The following E2F2 variants were observed in gnomAD, a reference collection of about 807,000 sequenced individuals.
E2F2 encodes the protein E2F transcription factor 2.
A neutral mutation model predicts 42.2 loss-of-function variants in E2F2; 22 were observed. The ratio of observed to expected loss-of-function variants is 0.52; its 90% CI spans 0.37 to 0.74. The LOEUF (loss-of-function observed/expected upper bound fraction) is 0.74, where lower values mean the gene tolerates loss of function less well. Ranked by LOEUF, E2F2 falls within the 30% of genes least tolerant of loss-of-function variation. The pLI is 0.00. For synonymous variants in E2F2, 248 were observed against 251.6 expected (o/e 0.99, Z 0.13); for missense variants, 481 against 557.8 (o/e 0.86, Z 1.39).
At position 23,509,653 on chromosome 1, in the gene E2F2, G is replaced by C; in HGVS notation, c.*227C>G. 2 of 803,130 alleles carry C rather than the reference G, an allele frequency of 2.5e-6. No homozygotes were observed. The highest frequency in any genetic ancestry group is 3.7e-5 in the East Asian group (1 of 27,308). The allele number at this position is 803,130 out of a possible 1,614,324, so 49.8% of individuals were successfully genotyped here. ...TCAGAAGACTGGATGGGCCTCCCTA[G>C]GCCCAGCTTCCATTAGGAAGGTGAG... is the stretch of plus-strand genomic sequence containing the variant. On this transcript the variant is annotated 3_prime_UTR_variant, in exon 7 of 7. Coordinates refer to ENST00000361729, the MANE Select transcript of E2F2 (RefSeq NM_004091.4).
rs769751419 is a variant in E2F2 at position 23,524,501 on chromosome 1, G to C, written c.253-13C>G. ...GCTTCCTTTTGGCCTTGGAGAAAAG[G>C]GGGAGAGAGAGGCAGAGTTTGAGAA... is the stretch of plus-strand genomic sequence containing the variant. On this transcript the variant is annotated splice_polypyrimidine_tract_variant and intron_variant, in intron 1 of 6. Coordinates refer to ENST00000361729, the MANE Select transcript of E2F2 (RefSeq NM_004091.4). 2.0e-5 allele frequency: 33 copies of C among 1,611,620 alleles called. No homozygotes were observed. The East Asian group carries it at 3.3e-4, about 16-fold the overall frequency.
chr1:23,513,103 C>T lies in E2F2; in HGVS notation c.1046-2955G>A, dbSNP rs183361776. On this transcript the variant is annotated intron_variant, in intron 6 of 6. Coordinates refer to ENST00000361729, the MANE Select transcript of E2F2 (RefSeq NM_004091.4). ...GCTGGATTACAGGTGTGTGCCACCG[C>T]GGCTGGCCACATAAGTTTTTTTTTT... Among the ~76,000 whole-genome samples, 502 of 148,632 alleles carry T rather than the reference C, an allele frequency of 3.4e-3. 5 individuals carry two copies. Among genetic ancestry groups the T allele is most frequent in the African/African-American group, 0.011 (437 of 40,656 alleles).
chr1:23,522,229 C>A (rs150763067), intron 2 of E2F2, among the ~76,000 whole-genome samples, 173 bp from the exon 3 acceptor site: 1 of 152,322 alleles, frequency 6.6e-6, no homozygotes, highest in Non-Finnish European at 1.5e-5. Flanking sequence ...GAACCTGATA[C>A]CTAAGAGGGA....
At position 23,507,517 on chromosome 1, in the gene E2F2, A is replaced by T. The variant is rs1163218443; in HGVS notation, c.*2363T>A. 6.8e-6 allele frequency: 1 copy of T among 147,450 alleles called. No homozygotes were observed. The highest frequency in any genetic ancestry group is 1.5e-5 in the Non-Finnish European group (1 of 66,576). 9.1% of individuals were successfully genotyped at this position (147,450 alleles called of 1,614,324 possible). A position where few individuals can be genotyped will look rare whatever the true frequency, so the allele number is the denominator to read the frequency against. On this transcript the variant is annotated 3_prime_UTR_variant, in exon 7 of 7. Transcript: ENST00000361729. ...GGCAACAGAGCGAGACTCCATCTCA[A>T]AAAAAAAAAAAAAGAAGAAAAAAAG... is the stretch of plus-strand genomic sequence containing the variant.
At chr1:23,525,908 G>T (rs999147704) in intron 1 of E2F2, among the ~76,000 whole-genome samples, 12 of 152,096 alleles carry the variant, frequency 7.9e-5, no homozygotes, top group African/African-American at 2.9e-4. Flanking sequence ...TAGTGGTGAG[G>T]TCATGCTCAG....
At chr1:23,516,611 C>T in intron 5 of E2F2, 84 bp from the exon 6 acceptor site, 5 of 1,177,916 alleles carry the variant, frequency 4.2e-6, no homozygotes, top group Non-Finnish European at 5.9e-6. Flanking sequence ...CACGTGGCTG[C>T]TGCCATCCAT....
At chr1:23,512,221 A>G (rs1182212826) in intron 6 of E2F2, among the ~76,000 whole-genome samples, 1 of 152,036 alleles carries the variant, frequency 6.6e-6, no homozygotes, top group Non-Finnish European at 1.5e-5. Context: ...AAATAAATAA[A>G]CAAACAAATA....
chr1:23,526,201 C>G (rs944886536), intron 1 of E2F2, among the ~76,000 whole-genome samples: 7 of 152,070 alleles, frequency 4.6e-5, no homozygotes, highest in African/African-American at 1.7e-4. Flanking sequence ...CTGGTGAAAT[C>G]CTATATTCTA....
chr1:23,524,151 G>A (rs1570470500), intron 2 of E2F2, among the ~76,000 whole-genome samples: 1 of 151,056 alleles, frequency 6.6e-6, no homozygotes, highest in Admixed American at 6.6e-5. Flanking sequence ...CCAGGCTCTA[G>A]TCCTGACTCC....
At chr1:23,528,504 G>A (rs886222574) in intron 1 of E2F2, among the ~76,000 whole-genome samples, 2 of 152,154 alleles carry the variant, frequency 1.3e-5, no homozygotes, top group African/African-American at 4.8e-5. Context: ...GCTTTAGGGT[G>A]GTCTGCTGCA....
Position 23,507,586 on chromosome 1 carries a change from A to C in E2F2, c.*2294T>G, listed in dbSNP as rs766037257. The C allele has an allele frequency of 2.0e-5, 3 of 152,006 alleles. No homozygotes were observed. Among genetic ancestry groups the C allele is most frequent in the Admixed American group, 1.3e-4 (2 of 15,266 alleles). 9.4% of individuals were successfully genotyped at this position (152,006 alleles called of 1,614,324 possible). A position where few individuals can be genotyped will look rare whatever the true frequency, so the allele number is the denominator to read the frequency against. ...AAATGTGTCCTGAAGCACTCTGTGG[A>C]AGTCGGGAGGCTTCAAGTGTCACTG... On this transcript the variant is annotated 3_prime_UTR_variant, in exon 7 of 7. Coordinates refer to ENST00000361729, the MANE Select transcript of E2F2 (RefSeq NM_004091.4).
At chr1:23,528,688 T>C (rs1643289329) in intron 1 of E2F2, among the ~76,000 whole-genome samples, 1 of 152,178 alleles carries the variant, frequency 6.6e-6, no homozygotes, top group Non-Finnish European at 1.5e-5. Context: ...GAGACCTTCT[T>C]GCTAAGATCA....
chr1:23,516,202 CAT>C, intron 6 of E2F2, 131 bp downstream of exon 6: 4 of 1,217,098 alleles, frequency 3.3e-6, no homozygotes, highest in Non-Finnish European at 4.3e-6. Flanking sequence ...GTACAATGCA[CAT>C]GTGTGGGGTA....
chr1:23,516,809 G>GC lies in E2F2; in HGVS notation c.853-283_853-282insG, dbSNP rs1445870529. 1.0e-4 allele frequency among the ~76,000 whole-genome samples: 14 copies of GC among 137,762 alleles called. 2 individuals are homozygous for GC. The highest frequency in any genetic ancestry group is 3.4e-4 in the African/African-American group (13 of 38,674). 90.4% of individuals were successfully genotyped at this position (137,762 alleles called of 152,430 possible). ...ATCTAGTTTTGGGGCGGGGGGGGGG[G>GC]GGCAGCACCCTTCCCCAATGCCAGT... On this transcript the variant is annotated intron_variant, in intron 5 of 6. Transcript: ENST00000361729.
Position 23,524,398 on chromosome 1 carries a change from G to A in E2F2, c.343C>T (p.Leu115Phe). ...CACTGCTTACTTTTGGGGCTGGGGA[G>A]GCCATCCACTCTGATGCACTTCCCC... ...PKGKCIRVDG[L>F]PSPKTPKSPG... The change falls in exon 2 of 7, where the codon CTC (leucine) becomes TTC (phenylalanine). Residue 115 changes from leucine (L) to phenylalanine (F), a missense_variant. By Grantham distance (22) the Leu-to-Phe change is conservative. Coordinates refer to ENST00000361729, the MANE Select transcript of E2F2 (RefSeq NM_004091.4). 1 of 1,611,472 alleles carries A rather than the reference G, an allele frequency of 6.2e-7. No homozygotes were observed. The highest frequency in any genetic ancestry group is 2.2e-5 in the East Asian group (1 of 44,564).
intron 6 of E2F2, among the ~76,000 whole-genome samples, chr1:23,512,352 A>G (rs1642926220): frequency 1.3e-5 from 2 of 152,164 alleles, no homozygotes; most frequent in South Asian, 4.1e-4. Context: ...GGCGTGGTTC[A>G]GCCTCCTTGC....
At position 23,510,165 on chromosome 1, in the gene E2F2, A is replaced by T; in HGVS notation, c.1046-17T>A. The T allele has an allele frequency of 6.3e-7, 1 of 1,575,786 alleles. No individual in the cohort carries two copies. Among genetic ancestry groups the T allele is most frequent in the Non-Finnish European group, 8.6e-7 (1 of 1,160,774 alleles). ...GTGCTGGCACTGGAGACAAACAGACAAAGGTTACGCCTGGCCCTAGCATCC... is the reference window on the plus strand; with the variant it reads ...GTGCTGGCACTGGAGACAAACAGACTAAGGTTACGCCTGGCCCTAGCATCC... On this transcript the variant is annotated splice_polypyrimidine_tract_variant and intron_variant, in intron 6 of 6. Transcript: ENST00000361729.
intron 6 of E2F2, 139 bp downstream of exon 6, chr1:23,516,196 A>G: frequency 8.5e-7 from 1 of 1,175,734 alleles, no homozygotes; most frequent in Non-Finnish European, 1.1e-6. Context: ...CATTAAGTAC[A>G]ATGCACATGT....
chr1:23,510,103 G>A lies in E2F2; in HGVS notation c.1091C>T (p.Ser364Phe), dbSNP rs1259143614. The A allele has an allele frequency of 6.2e-7, 1 of 1,605,578 alleles. No individual in the cohort carries two copies. Among genetic ancestry groups the A allele is most frequent in the Admixed American group, 1.7e-5 (1 of 58,426 alleles). Residue 364 changes from serine (S) to phenylalanine (F), a missense_variant, in exon 7 of 7, where the codon TCC becomes TTC. By Grantham distance (155) the Ser-to-Phe change is radical. Coordinates refer to ENST00000361729, the MANE Select transcript of E2F2 (RefSeq NM_004091.4). Reference protein sequence around the residue: ...PTPQQAPPPPSLVPLEATDSL... With the variant: ...PTPQQAPPPPFLVPLEATDSL... ...GTCAGTAGCCTCCAAGGGGACCAGGGATGGAGGCGGTGGGGCCTGCTGGGG... is the reference window on the plus strand; with the variant it reads ...GTCAGTAGCCTCCAAGGGGACCAGGAATGGAGGCGGTGGGGCCTGCTGGGG...
Sources: gnomAD v4.1 joint callset for allele counts (sites outside exome capture counted in the v4.1 genomes callset) on GRCh38, gnomAD v4.1.1 for gene constraint, MANE v1.5 for transcripts, NCBI Gene and HGNC (gene_info 2026-07-23, HGNC 2026-07-21) for gene names.